The following DAB1 variants were observed in gnomAD, a reference collection of about 807,000 sequenced individuals.
The protein encoded by DAB1 is DAB adaptor protein 1, also known as disabled homolog 1.
DAB1 carries 15 observed loss-of-function variants against 64.6 expected under a neutral mutation model. The observed-to-expected ratio is 0.23, with a 90% CI of 0.16 to 0.36. The LOEUF is 0.36. Ranked by LOEUF, DAB1 falls within the 10% of genes least tolerant of loss-of-function variation. The pLI, the probability that DAB1 is intolerant of heterozygous loss-of-function variation, is 1.00. For synonymous variants in DAB1, 235 were observed against 251.9 expected (o/e 0.93, Z 0.64); for missense variants, 596 against 706.7 (o/e 0.84, Z 1.78).
intron 3 of DAB1, among the ~76,000 whole-genome samples, chr1:58,424,196 G>T (rs1259374463): frequency 6.6e-6 from 1 of 152,184 alleles, no homozygotes; most frequent in Non-Finnish European, 1.5e-5. Flanking sequence ...AAAAGGCAAT[G>T]TTCCAGCTGG....
intron 5 of DAB1, among the ~76,000 whole-genome samples, chr1:57,960,070 G>A (rs181375400): frequency 3.3e-5 from 5 of 152,264 alleles, no homozygotes; most frequent in Admixed American, 2.6e-4. Context: ...CAGCCTCCAC[G>A]ATGCCTGGGC....
chr1:57,823,061 T>C (rs951052305), downstream of DAB1, among the ~76,000 whole-genome samples: 2 of 150,184 alleles, frequency 1.3e-5, no homozygotes, highest in African/African-American at 4.9e-5. Flanking sequence ...CTTGGCTCAC[T>C]GTAACCTCTG....
intron 2 of DAB1, among the ~76,000 whole-genome samples, chr1:57,184,229 T>G (rs1663290418): frequency 6.6e-6 from 1 of 152,232 alleles, no homozygotes. Flanking sequence ...AAGCCCTTTG[T>G]GTACCACAGG....
At chr1:58,539,115 C>T (rs751736081) in intron 1 of DAB1, 1 of 872,944 alleles carries the variant, frequency 1.1e-6, no homozygotes, top group Non-Finnish European at 2.0e-6. Context: ...GAAAACTCCA[C>T]CTGTCACACT....
intron 1 of DAB1, among the ~76,000 whole-genome samples, chr1:57,829,116 T>C (rs192677519): frequency 1.3e-5 from 2 of 152,332 alleles, no homozygotes; most frequent in East Asian, 1.9e-4. Context: ...GTTTGGATTA[T>C]AGCCTTAACT....
chr1:58,519,383 C>T (rs543677887), intron 2 of DAB1, among the ~76,000 whole-genome samples: 28 of 152,226 alleles, frequency 1.8e-4, no homozygotes, highest in Non-Finnish European at 1.2e-4. Context: ...TCTGCAGACA[C>T]GTGAATGACC....
rs142026717 is a variant in DAB1, at chr1:57,296,560, A to G, written c.-136-5394T>C. Among the ~76,000 whole-genome samples, 529 of 152,304 alleles carry G rather than the reference A, an allele frequency of 3.5e-3. 2 individuals carry two copies. The highest frequency in any genetic ancestry group is 0.012 in the African/African-American group (506 of 41,574). ...ATTAAGTGCTCAAAACAAACAAAAA[A>G]TGATGAGAGAATTTTATAAAGGATA... On this transcript the variant is annotated intron_variant, in intron 1 of 14. Coordinates refer to ENST00000371236, the MANE Select transcript of DAB1 (RefSeq NM_001365792.1).
At chr1:57,482,644 T>C (rs1266981166) in intron 7 of DAB1, among the ~76,000 whole-genome samples, 6 of 152,204 alleles carry the variant, frequency 3.9e-5, no homozygotes, top group Non-Finnish European at 8.8e-5. Context: ...TCAAATTGTT[T>C]TACAAATTAC....
At chr1:57,226,178 G>T (rs1667244734) in intron 2 of DAB1, among the ~76,000 whole-genome samples, 1 of 152,058 alleles carries the variant, frequency 6.6e-6, no homozygotes, top group Non-Finnish European at 1.5e-5. Context: ...ATTCTAATGG[G>T]CTTTAATACC....
chr1:57,359,626 G>A (rs2100891877), intron 1 of DAB1, among the ~76,000 whole-genome samples: 1 of 152,016 alleles, frequency 6.6e-6, no homozygotes, highest in South Asian at 2.1e-4. Flanking sequence ...ATGTTGAAGA[G>A]ATATCCACAC....
At chr1:58,469,359 A>G (rs1055982081) in intron 3 of DAB1, among the ~76,000 whole-genome samples, 6 of 152,200 alleles carry the variant, frequency 3.9e-5, no homozygotes, top group African/African-American at 1.4e-4. Flanking sequence ...GGATTAAAAA[A>G]CATGATGTAA....
chr1:58,152,411 G>A (rs1450976557), intron 4 of DAB1, among the ~76,000 whole-genome samples: 1 of 152,240 alleles, frequency 6.6e-6, no homozygotes, highest in Admixed American at 6.5e-5. Context: ...AAGCAGTAAA[G>A]GAAGGGGTAA....
intron 14 of DAB1, among the ~76,000 whole-genome samples, chr1:57,001,475 T>C (rs895657780): frequency 5.9e-5 from 9 of 152,168 alleles, no homozygotes; most frequent in African/African-American, 2.2e-4. Flanking sequence ...ATCAAAACTC[T>C]ACCTTCAGGT....
At chr1:58,189,533 A>T (rs1657270193) in intron 4 of DAB1, among the ~76,000 whole-genome samples, 1 of 152,174 alleles carries the variant, frequency 6.6e-6, no homozygotes. Flanking sequence ...GTGCCACTCA[A>T]GATGCACTTA....
chr1:57,206,968 C>CTTT (rs201111039), intron 2 of DAB1, among the ~76,000 whole-genome samples: 14,854 of 84,144 alleles, frequency 0.18, 1,300 homozygotes, highest in Non-Finnish European at 0.24. Flanking sequence ...TCCTTCCTTC[C>CTTT]TTTTTTTTTT....
chr1:58,104,135 G>A (rs1228183488), intron 5 of DAB1, among the ~76,000 whole-genome samples: 1 of 152,242 alleles, frequency 6.6e-6, no homozygotes, highest in African/African-American at 2.4e-5. Flanking sequence ...ATATAGCAGT[G>A]TGCCAGGCAC....
upstream of DAB1, among the ~76,000 whole-genome samples, chr1:57,888,846 A>G (rs992995956): frequency 6.6e-6 from 1 of 152,172 alleles, no homozygotes; most frequent in African/African-American, 2.4e-5. Context: ...AATTAGTAAT[A>G]CTCTTTAAAA....
chr1:57,050,668 T>C (rs933410047), intron 9 of DAB1, among the ~76,000 whole-genome samples: 1 of 152,238 alleles, frequency 6.6e-6, no homozygotes, highest in African/African-American at 2.4e-5. Context: ...CAAAGTTTAC[T>C]GCTCCCACAC....
At chr1:58,205,602 C>G (rs2100276112) in intron 4 of DAB1, among the ~76,000 whole-genome samples, 1 of 152,334 alleles carries the variant, frequency 6.6e-6, no homozygotes, top group East Asian at 1.9e-4. Flanking sequence ...TAAAAAATAT[C>G]AAATTAAATG....
Sources: gnomAD v4.1 joint callset for allele counts (sites outside exome capture counted in the v4.1 genomes callset) on GRCh38, gnomAD v4.1.1 for gene constraint, MANE v1.5 for transcripts, NCBI Gene and HGNC (gene_info 2026-07-23, HGNC 2026-07-21) for gene names.